LRP1B: variants seen among roughly 807,000 people sequenced by gnomAD.
LRP1B encodes low-density lipoprotein receptor-related protein 1B.
LRP1B carries 217 observed loss-of-function variants against 556.6 expected under a neutral mutation model. That is an observed-to-expected ratio of 0.39 (90% CI 0.35 to 0.44). The LOEUF (loss-of-function observed/expected upper bound fraction) is 0.44. Ranked by LOEUF, LRP1B falls within the 20% of genes least tolerant of loss-of-function variation. The pLI is 1.00. For missense variants in LRP1B, 5,053 were observed against 5,620.8 expected, an observed-to-expected ratio of 0.90 and a Z score of 3.23; for synonymous variants, 2,047 against 1,865.8, an observed-to-expected ratio of 1.10 and a Z score of -2.50.
Position 140,850,123 on chromosome 2 carries a change from A to G in LRP1B, c.4918T>C (p.Leu1640=). The G allele has an allele frequency of 6.2e-7, 1 of 1,610,532 alleles. No individual in the cohort carries two copies. Among genetic ancestry groups the G allele is most frequent in the Non-Finnish European group, 8.5e-7 (1 of 1,177,002 alleles). The part of the protein sequence containing the change: ...IKRAFINGTG[L]ETVISRDIQS... ...TTACCTCTTGAAATAACAGTTTCTA[A>G]CCCAGTTCCGTTAATAAAAGCTCGT... The change falls in exon 29 of 91, where the codon TTA becomes CTA. Residue 1640 remains leucine (L), a synonymous_variant. Coordinates refer to ENST00000389484, the MANE Select transcript of LRP1B (RefSeq NM_018557.3).
chr2:141,555,194 C>A (rs527836341), intron 2 of LRP1B, among the ~76,000 whole-genome samples: 16 of 152,006 alleles, frequency 1.1e-4, no homozygotes, highest in African/African-American at 3.9e-4. Flanking sequence ...TAAACAAACA[C>A]CACTACAAAT....
intron 41 of LRP1B, among the ~76,000 whole-genome samples, chr2:140,605,055 C>T (rs1027419174): frequency 6.6e-6 from 1 of 152,106 alleles, no homozygotes; most frequent in Non-Finnish European, 1.5e-5. Flanking sequence ...AACAGACTAA[C>T]ACACAAATTT....
intron 2 of LRP1B, among the ~76,000 whole-genome samples, chr2:141,545,625 G>C (rs1033496448): frequency 6.6e-6 from 1 of 152,122 alleles, no homozygotes; most frequent in African/African-American, 2.4e-5. Flanking sequence ...TGGGAGAATT[G>C]CTTGAGCCCA....
chr2:140,306,716 TCTTG>T (rs1684083338), intron 83 of LRP1B, among the ~76,000 whole-genome samples: 1 of 152,086 alleles, frequency 6.6e-6, no homozygotes, highest in Non-Finnish European at 1.5e-5. Flanking sequence ...ATGTGTTTGC[TCTTG>T]CTTCTCTAGT....
In LRP1B at chr2:141,825,919, T is replaced by A. The variant is rs193296799; in HGVS notation, c.83-15518A>T. ...TTTTCCCACATTATACCAATGCTTG[T>A]TCATTTTTCCATAATAAAGAAATTA... On this transcript the variant is annotated intron_variant, in intron 1 of 90. Transcript: ENST00000389484. 1.5e-3 allele frequency among the ~76,000 whole-genome samples: 225 copies of A among 152,304 alleles called. 4 individuals are homozygous for A. The highest frequency in any genetic ancestry group is 5.2e-3 in the African/African-American group (218 of 41,586).
At chr2:142,111,218 A>C (rs1559076534) in intron 1 of LRP1B, among the ~76,000 whole-genome samples, 1 of 152,138 alleles carries the variant, frequency 6.6e-6, no homozygotes, top group Non-Finnish European at 1.5e-5. Context: ...AGTTTTATAA[A>C]TCTGTTCTAT....
chr2:141,096,663 AG>A, intron 7 of LRP1B, among the ~76,000 whole-genome samples: 1 of 127,826 alleles, frequency 7.8e-6, no homozygotes, highest in East Asian at 3.8e-4. Flanking sequence ...AGAGAGAGAG[AG>A]AGAGAGAGAG....
intron 25 of LRP1B, among the ~76,000 whole-genome samples, chr2:140,869,093 C>G (rs567168436): frequency 6.6e-6 from 1 of 152,160 alleles, no homozygotes; most frequent in Admixed American, 6.6e-5. Context: ...TGAATGATTC[C>G]TTTTCCAAGC....
chr2:141,267,904 C>A (rs2105363386), intron 3 of LRP1B, among the ~76,000 whole-genome samples: 1 of 152,270 alleles, frequency 6.6e-6, no homozygotes, highest in Non-Finnish European at 1.5e-5. Context: ...ATAATGTAAC[C>A]TCCTTTGTAA....
At chr2:141,116,522 T>C (rs974864402) in intron 7 of LRP1B, among the ~76,000 whole-genome samples, 5 of 152,184 alleles carry the variant, frequency 3.3e-5, no homozygotes. Flanking sequence ...ATGTGCTACA[T>C]GTTTTAAGTT....
chr2:142,001,179 T>C (rs1025999382), intron 1 of LRP1B, among the ~76,000 whole-genome samples: 5 of 152,182 alleles, frequency 3.3e-5, no homozygotes, highest in Non-Finnish European at 7.3e-5. Context: ...TTTTTCTTTA[T>C]AAATTACCCA....
At chr2:140,671,291 CG>C (rs1559045410) in intron 41 of LRP1B, among the ~76,000 whole-genome samples, 5 of 152,054 alleles carry the variant, frequency 3.3e-5, no homozygotes, top group African/African-American at 7.2e-5. Flanking sequence ...GAGGCCAAGG[CG>C]GGCGGATCAT....
intron 41 of LRP1B, among the ~76,000 whole-genome samples, chr2:140,679,935 T>C (rs1358389400): frequency 1.3e-5 from 2 of 151,644 alleles, no homozygotes; most frequent in Non-Finnish European, 2.9e-5. Flanking sequence ...TTTAATTTAC[T>C]TATTTATTTA....
intron 35 of LRP1B, among the ~76,000 whole-genome samples, chr2:140,725,723 A>T (rs1287745441): frequency 1.3e-5 from 2 of 151,984 alleles, no homozygotes; most frequent in Non-Finnish European, 2.9e-5. Context: ...AAAGTAAAAT[A>T]AAAAAGGTGG....
chr2:140,266,411 T>C (rs1288843945), intron 86 of LRP1B, among the ~76,000 whole-genome samples: 3 of 152,056 alleles, frequency 2.0e-5, no homozygotes, highest in Non-Finnish European at 4.4e-5. Flanking sequence ...TTCTAAATCT[T>C]CTCATTTACT....
At chr2:140,397,735 TGTG>T (rs1332445226) in intron 66 of LRP1B, among the ~76,000 whole-genome samples, 1 of 152,160 alleles carries the variant, frequency 6.6e-6, no homozygotes, top group East Asian at 1.9e-4. Flanking sequence ...TTTATAGGCT[TGTG>T]TTTTGTTTTT....
intron 32 of LRP1B, among the ~76,000 whole-genome samples, chr2:140,801,928 G>A (rs1019608343): frequency 2.0e-5 from 3 of 151,908 alleles, no homozygotes; most frequent in African/African-American, 4.8e-5. Context: ...GAAAACAAAC[G>A]ACAACAACAG....
Position 140,536,562 on chromosome 2 carries a change from A to G in LRP1B, c.7642+19T>C, listed in dbSNP as rs1361643734. The G allele has an allele frequency of 6.3e-7, 1 of 1,597,276 alleles. No individual in the cohort carries two copies. Among genetic ancestry groups the G allele is most frequent in the Non-Finnish European group, 8.5e-7 (1 of 1,174,554 alleles). Reference sequence around the variant, plus strand: ...AGAAAACTTTATCTGAAACGAGCAAACCCATATTGGACACTTACCACAGTA... The same window carrying G: ...AGAAAACTTTATCTGAAACGAGCAAGCCCATATTGGACACTTACCACAGTA... On this transcript the variant is annotated intron_variant, in intron 46 of 90. Transcript: ENST00000389484.
At chr2:140,306,514 T>A (rs1684073541) in intron 83 of LRP1B, among the ~76,000 whole-genome samples, 1 of 152,122 alleles carries the variant, frequency 6.6e-6, no homozygotes, top group Non-Finnish European at 1.5e-5. Context: ...CTTTATTGTT[T>A]TTTATTGTGT....
Sources: gnomAD v4.1 joint callset for allele counts (sites outside exome capture counted in the v4.1 genomes callset) on GRCh38, gnomAD v4.1.1 for gene constraint, MANE v1.5 for transcripts, NCBI Gene and HGNC (gene_info 2026-07-23, HGNC 2026-07-21) for gene names.